Variants in GULP1 observed in about 807,000 individuals in gnomAD.
The protein encoded by GULP1 is PTB domain-containing engulfment adapter protein 1.
Under a neutral mutation model 40.9 loss-of-function variants are expected in GULP1, and 19 were observed. That is an observed-to-expected ratio of 0.46 (90% confidence interval 0.32 to 0.68). The LOEUF is 0.68. Ranked by LOEUF, GULP1 falls within the 30% of genes least tolerant of loss-of-function variation. The pLI is 0.03. For synonymous variants in GULP1, 119 were observed against 117.6 expected (o/e 1.01, Z -0.08); for missense variants, 312 against 362.2 (o/e 0.86, Z 1.12).
intron 7 of GULP1, among the ~76,000 whole-genome samples, chr2:188,549,384 A>G (rs1361482445): frequency 1.3e-5 from 2 of 151,850 alleles, no homozygotes; most frequent in Non-Finnish European, 3.0e-5. Flanking sequence ...GATGGAAAGT[A>G]AGCACGTGAA....
At chr2:188,592,417 T>A (rs188761168) in intron 11 of GULP1, 1 of 152,176 alleles carries the variant, frequency 6.6e-6, no homozygotes, top group Non-Finnish European at 1.5e-5. Context: ...GTTTAAAGTA[T>A]TTATTTTTCT....
At chr2:188,329,751 G>A (rs889391362) in intron 1 of GULP1, among the ~76,000 whole-genome samples, 4 of 152,112 alleles carry the variant, frequency 2.6e-5, no homozygotes, top group Non-Finnish European at 4.4e-5. Context: ...GTTGAGAAAG[G>A]CAATGGTGAT....
intron 2 of GULP1, among the ~76,000 whole-genome samples, chr2:188,404,723 G>A (rs1214169430): frequency 6.6e-6 from 1 of 152,128 alleles, no homozygotes; most frequent in African/African-American, 2.4e-5. Flanking sequence ...GGTCCCAGCA[G>A]CCCTGGGCTT....
chr2:188,551,452 T>C (rs1559370074), intron 7 of GULP1, among the ~76,000 whole-genome samples: 2 of 151,784 alleles, frequency 1.3e-5, no homozygotes, highest in East Asian at 1.9e-4. Flanking sequence ...TTTATTTCAC[T>C]TAAGATAATG....
Position 188,570,057 on chromosome 2 carries a change from A to T in GULP1, c.546A>T (p.Glu182Asp). 1 of 1,416,680 alleles carries T rather than the reference A, an allele frequency of 7.1e-7. No homozygotes were observed. The highest frequency in any genetic ancestry group is 1.2e-5 in the South Asian group (1 of 81,856). The allele number at this position is 1,416,680 out of a possible 1,614,324, so 87.8% of individuals were successfully genotyped here. The change falls in exon 9 of 12, where the codon GAA becomes GAT. Residue 182 changes from glutamate to aspartate, a missense_variant. Coordinates refer to ENST00000409830, the MANE Select transcript of GULP1 (RefSeq NM_016315.4). ...AAGACTTAGAAACAGAAAATATGGA[A>T]CTTAAAAATAAAGTACAAGATTTGG... ...RIQDLETENM[E>D]LKNKVQDLEN...
At chr2:188,308,434 C>T (rs1401857680) in intron 1 of GULP1, among the ~76,000 whole-genome samples, 1 of 152,002 alleles carries the variant, frequency 6.6e-6, no homozygotes, top group African/African-American at 2.4e-5. Context: ...ATCTTTTCCC[C>T]AACATTTAAA....
At position 188,503,662 on chromosome 2, in the gene GULP1, A is replaced by G. The variant is rs77892074; in HGVS notation, c.91-19094A>G. ...TCTTCCAATGTGGCCCAGGGAGGCC[A>G]AAAGATTGGACACCCCTGATTTAAA... On this transcript the variant is annotated intron_variant, in intron 4 of 11. Coordinates refer to ENST00000409830, the MANE Select transcript of GULP1 (RefSeq NM_016315.4). 8.8e-3 allele frequency among the ~76,000 whole-genome samples: 1,331 copies of G among 151,986 alleles called. 155 individuals are homozygous for G. The East Asian group carries it at 0.24, about 27-fold the overall frequency.
intron 1 of GULP1, among the ~76,000 whole-genome samples, chr2:188,300,419 T>C (rs1359813986): frequency 1.3e-5 from 2 of 152,178 alleles, no homozygotes; most frequent in Non-Finnish European, 2.9e-5. Flanking sequence ...TATGCATCAT[T>C]GACTTATTTA....
chr2:188,593,386 C>G (rs572400672), intron 11 of GULP1: 17 of 151,938 alleles, frequency 1.1e-4, no homozygotes, highest in Admixed American at 1.1e-3. Context: ...GAAGCCAGTC[C>G]GCTACAAGCA....
At chr2:188,525,594 T>C (rs866198740) in intron 5 of GULP1, among the ~76,000 whole-genome samples, 5,187 of 152,288 alleles carry the variant, frequency 0.034, 144 homozygotes, top group African/African-American at 0.08. Context: ...TTGTGATGTT[T>C]ACATGTAAGT....
intron 2 of GULP1, among the ~76,000 whole-genome samples, chr2:188,425,833 A>G (rs559949240): frequency 6.6e-6 from 1 of 152,302 alleles, no homozygotes; most frequent in Admixed American, 6.5e-5. Flanking sequence ...ACATCACATG[A>G]AATAGCTCCT....
chr2:188,424,290 G>A (rs769969395), intron 2 of GULP1, among the ~76,000 whole-genome samples: 1 of 151,650 alleles, frequency 6.6e-6, no homozygotes, highest in Non-Finnish European at 1.5e-5. Flanking sequence ...GAATTGAATG[G>A]AGTTTATTAT....
intron 8 of GULP1, 196 bp downstream of exon 8, chr2:188,569,551 A>G: frequency 1.9e-6 from 1 of 518,480 alleles, no homozygotes; most frequent in South Asian, 2.1e-5. Context: ...TTTTATATTG[A>G]ATTCCCACAA....
chr2:188,475,671 C>T, intron 2 of GULP1, among the ~76,000 whole-genome samples: 1 of 152,018 alleles, frequency 6.6e-6, no homozygotes, highest in Admixed American at 6.6e-5. Context: ...ACAGATTTTA[C>T]ATTTGCATAT....
chr2:188,427,013 G>A (rs961842784), intron 2 of GULP1, among the ~76,000 whole-genome samples: 3 of 152,168 alleles, frequency 2.0e-5, no homozygotes, highest in Admixed American at 1.3e-4. Flanking sequence ...GGTCACTTTT[G>A]TTATAGGTTA....
chr2:188,305,078 C>A lies in GULP1; in HGVS notation c.-172+12912C>A, dbSNP rs1037194707. Among the ~76,000 whole-genome samples, 5 of 152,112 alleles carry A rather than the reference C, an allele frequency of 3.3e-5. No individual in the cohort carries two copies. The South Asian group carries it at 6.2e-4, about 19-fold the overall frequency. ...AGTCCGGGCCTCTGTAACTTCTGAC[C>A]CACTGACTTCAAGCTGGAGTTCCCA... is the stretch of plus-strand genomic sequence containing the variant. On this transcript the variant is annotated intron_variant, in intron 1 of 11. Coordinates refer to ENST00000409830, the MANE Select transcript of GULP1 (RefSeq NM_016315.4).
intron 1 of GULP1, among the ~76,000 whole-genome samples, chr2:188,359,981 T>C (rs1383871732): frequency 6.6e-6 from 1 of 152,082 alleles, no homozygotes; most frequent in Non-Finnish European, 1.5e-5. Context: ...GTTTTCAGTG[T>C]TTGTTTTGTG....
chr2:188,403,307 GT>G (rs1184098755), intron 2 of GULP1, among the ~76,000 whole-genome samples: 2 of 151,764 alleles, frequency 1.3e-5, no homozygotes, highest in East Asian at 1.9e-4. Context: ...TAAATCTCTT[GT>G]TTTTTTAATT....
Position 188,572,655 on chromosome 2 carries a change from A to C in GULP1, c.609+2535A>C, listed in dbSNP as rs1481180312. ...GTCACATGGCTTTTTAGCTCTTAAAATCTTATCATATGATTTTTTAAATTG... is the reference window on the plus strand; with the variant it reads ...GTCACATGGCTTTTTAGCTCTTAAACTCTTATCATATGATTTTTTAAATTG... On this transcript the variant is annotated intron_variant, in intron 9 of 11. Transcript: ENST00000409830. 2.0e-5 allele frequency among the ~76,000 whole-genome samples: 3 copies of C among 152,202 alleles called. No individual in the cohort carries two copies. In the East Asian group the frequency reaches 5.8e-4, roughly 29 times the overall value.
Sources: allele counts gnomAD v4.1 joint callset (sites outside exome capture counted in the v4.1 genomes callset), GRCh38; gene constraint gnomAD v4.1.1; transcripts MANE v1.5; gene names NCBI Gene and HGNC (gene_info 2026-07-23, HGNC 2026-07-21).